Variants in SMOC2 observed in about 807,000 individuals in gnomAD.
SMOC2 encodes SPARC related modular calcium binding 2.
In SMOC2, 39 loss-of-function variants were observed where a neutral mutation model predicts 61.4. That is an observed-to-expected ratio of 0.64 (90% CI 0.49 to 0.83). The LOEUF (loss-of-function observed/expected upper bound fraction) is 0.83, where lower values mean the gene tolerates loss of function less well. Ranked by LOEUF, SMOC2 falls within the 40% of genes least tolerant of loss-of-function variation. The pLI, the probability that SMOC2 is intolerant of heterozygous loss-of-function variation, is 0.00. For synonymous variants in SMOC2, 247 were observed against 239.9 expected, an observed-to-expected ratio of 1.03 and a Z score of -0.27; for missense variants, 556 against 592.9, an observed-to-expected ratio of 0.94 and a Z score of 0.65.
At chr6:168,447,210 GCA>G (rs1423395856) in intron 1 of SMOC2, among the ~76,000 whole-genome samples, 1 of 152,026 alleles carries the variant, frequency 6.6e-6, no homozygotes, top group Non-Finnish European at 1.5e-5. Context: ...GGGACTATAG[GCA>G]CACGCTACAA....
chr6:168,518,439 C>CTG (rs34444476), intron 2 of SMOC2, among the ~76,000 whole-genome samples: 75,813 of 147,452 alleles, frequency 0.51, 21,994 homozygotes, highest in Non-Finnish European at 0.67. Context: ...GCATGTGTGA[C>CTG]TGTGAATGTG....
intron 3 of SMOC2, among the ~76,000 whole-genome samples, chr6:168,527,389 T>G (rs1265829752): frequency 6.6e-6 from 1 of 152,172 alleles, no homozygotes; most frequent in Non-Finnish European, 1.5e-5. Context: ...ACAGGTAAGG[T>G]GTCCAGCCCA....
At position 168,506,933 on chromosome 6, in the gene SMOC2, C is replaced by CT. The variant is rs1782884583; in HGVS notation, c.85-2980dup. Reference sequence around the variant, plus strand: ...TTAATGAGCACAACTTAGTTAAAAGCTTATTTTCTTACATGCACTGTCTTC... The same window carrying CT: ...TTAATGAGCACAACTTAGTTAAAAGCTTTATTTTCTTACATGCACTGTCTTC... On this transcript the variant is annotated intron_variant, in intron 1 of 12. Transcript: ENST00000356284. Among the ~76,000 whole-genome samples the CT allele has an allele frequency of 4.6e-5, 7 of 152,176 alleles. No homozygotes were observed. In the South Asian group the frequency reaches 1.4e-3, roughly 32 times the overall value.
At chr6:168,663,410 A>G (rs60220191) in intron 11 of SMOC2, among the ~76,000 whole-genome samples, 4,612 of 152,292 alleles carry the variant, frequency 0.03, 254 homozygotes, top group African/African-American at 0.1. Context: ...AAAGACTTCA[A>G]AGAGCTCTTG....
Position 168,637,954 on chromosome 6 carries a change from G to T in SMOC2, c.908-12727G>T, listed in dbSNP as rs559833217. Among the ~76,000 whole-genome samples the T allele has an allele frequency of 6.2e-4, 94 of 151,928 alleles. 1 individual carries two copies. The highest frequency in any genetic ancestry group is 2.2e-3 in the African/African-American group (93 of 41,484). On this transcript the variant is annotated intron_variant, in intron 9 of 12. Coordinates refer to ENST00000356284, the MANE Select transcript of SMOC2 (RefSeq NM_001166412.2). Reference sequence around the variant, plus strand: ...GCTGAGCTGGAGCTGGATGCTGAGCGGGAGCCAGGCGTGCCCCTGCCCCGC... The same window carrying T: ...GCTGAGCTGGAGCTGGATGCTGAGCTGGAGCCAGGCGTGCCCCTGCCCCGC...
chr6:168,477,691 T>A (rs1217324853), intron 1 of SMOC2, among the ~76,000 whole-genome samples: 1 of 152,100 alleles, frequency 6.6e-6, no homozygotes, highest in Non-Finnish European at 1.5e-5. Context: ...TTGGTGTGTG[T>A]GTGTTGGGGC....
At chr6:168,597,331 T>C (rs1284041810) in intron 7 of SMOC2, among the ~76,000 whole-genome samples, 1 of 152,206 alleles carries the variant, frequency 6.6e-6, no homozygotes. Flanking sequence ...ATCAGGGTGG[T>C]TTCCATTAAT....
chr6:168,448,735 G>A (rs1414310583), intron 1 of SMOC2, among the ~76,000 whole-genome samples: 4 of 152,110 alleles, frequency 2.6e-5, no homozygotes, highest in African/African-American at 7.2e-5. Flanking sequence ...TAAGCCTTGC[G>A]ATACATATTT....
At position 168,595,503 on chromosome 6, in the gene SMOC2, G is replaced by A. The variant is rs9346730; in HGVS notation, c.638-3315G>A. 4.7e-4 allele frequency among the ~76,000 whole-genome samples: 71 copies of A among 152,324 alleles called. No homozygotes were observed. The East Asian group carries it at 0.013, about 27-fold the overall frequency. On this transcript the variant is annotated intron_variant, in intron 7 of 12. Coordinates refer to ENST00000356284, the MANE Select transcript of SMOC2 (RefSeq NM_001166412.2). ...CGCTGCGTTCTGGGGTGCCCCAGGAGGGAGTGACAGTCACAGGTGGAAATT... is the reference window on the plus strand; with the variant it reads ...CGCTGCGTTCTGGGGTGCCCCAGGAAGGAGTGACAGTCACAGGTGGAAATT...
At chr6:168,492,966 A>G (rs1056517993) in intron 1 of SMOC2, among the ~76,000 whole-genome samples, 1 of 152,220 alleles carries the variant, frequency 6.6e-6, no homozygotes, top group African/African-American at 2.4e-5. Context: ...TACATTGTGA[A>G]GGTAGCTTCA....
At chr6:168,488,282 C>G (rs548950952) in intron 1 of SMOC2, among the ~76,000 whole-genome samples, 39 of 152,360 alleles carry the variant, frequency 2.6e-4, no homozygotes, top group Admixed American at 2.1e-3. Flanking sequence ...CGCTTCCCCC[C>G]ATGTCTTCAC....
At chr6:168,666,365 G>A (rs1040736465) in intron 12 of SMOC2, 56 bp from the exon 13 acceptor site, 4 of 1,610,940 alleles carry the variant, frequency 2.5e-6, no homozygotes, top group Non-Finnish European at 2.5e-6. Flanking sequence ...AGTCTTCACA[G>A]ATGAGCGACA....
At chr6:168,599,081 C>G in intron 8 of SMOC2, 77 bp downstream of exon 8, 1 of 1,318,380 alleles carries the variant, frequency 7.6e-7, no homozygotes, top group Non-Finnish European at 1.0e-6. Flanking sequence ...AGAACCCCCA[C>G]TTCCCCCAAC....
intron 1 of SMOC2, among the ~76,000 whole-genome samples, chr6:168,455,667 G>A (rs1322270565): frequency 6.6e-6 from 1 of 152,122 alleles, no homozygotes; most frequent in African/African-American, 2.4e-5. Flanking sequence ...TATCTCTGGG[G>A]TGTCACTCAA....
At chr6:168,448,548 C>A (rs565075962) in intron 1 of SMOC2, among the ~76,000 whole-genome samples, 1 of 47,602 alleles carries the variant, frequency 2.1e-5, no homozygotes, top group Non-Finnish European at 4.1e-5. Flanking sequence ...GGGAGGAGGA[C>A]GGAGATGGGG....
intron 1 of SMOC2, among the ~76,000 whole-genome samples, chr6:168,451,338 G>T (rs556786157): frequency 6.6e-6 from 1 of 152,358 alleles, no homozygotes; most frequent in South Asian, 2.1e-4. Flanking sequence ...ATAGTCATAA[G>T]AGCATGTTTT....
chr6:168,622,371 C>T (rs905583893), intron 9 of SMOC2, among the ~76,000 whole-genome samples: 8 of 151,752 alleles, frequency 5.3e-5, no homozygotes, highest in Non-Finnish European at 7.4e-5. Flanking sequence ...GGGAGGCTGC[C>T]GGATTCATGA....
rs3938424 is a variant in SMOC2 at position 168,568,723 on chromosome 6, T to C, written c.637+19520T>C. Among the ~76,000 whole-genome samples, 78 of 152,308 alleles carry C rather than the reference T, an allele frequency of 5.1e-4. 1 individual carries two copies. Among genetic ancestry groups the C allele is most frequent in the African/African-American group, 1.8e-3 (76 of 41,572 alleles). Reference sequence around the variant, plus strand: ...CACCCTTGGAAACCACTGATCTTTTTACTATCTCCATAGTGTTGCCTCTTC... The same window carrying C: ...CACCCTTGGAAACCACTGATCTTTTCACTATCTCCATAGTGTTGCCTCTTC... On this transcript the variant is annotated intron_variant, in intron 7 of 12. Coordinates refer to ENST00000356284, the MANE Select transcript of SMOC2 (RefSeq NM_001166412.2).
chr6:168,602,530 A>G (rs1785578115), intron 8 of SMOC2, among the ~76,000 whole-genome samples: 1 of 152,170 alleles, frequency 6.6e-6, no homozygotes, highest in South Asian at 2.1e-4. Context: ...GCCCAGACCC[A>G]GACCTGCCTT....
Sources: allele counts gnomAD v4.1 joint callset (sites outside exome capture counted in the v4.1 genomes callset), GRCh38; gene constraint gnomAD v4.1.1; transcripts MANE v1.5; gene names NCBI Gene and HGNC (gene_info 2026-07-23, HGNC 2026-07-21).